Variants in PLD1 observed in about 807,000 individuals in gnomAD.
PLD1 encodes phospholipase D1, also known as choline phosphatase 1.
Under a neutral mutation model 137.1 loss-of-function variants are expected in PLD1, and 112 were observed. That is an observed-to-expected ratio of 0.82 (90% CI 0.70 to 0.96). PLD1 has a LOEUF of 0.96. Ranked by LOEUF, PLD1 falls within the 40% of genes least tolerant of loss-of-function variation. The pLI is 0.00. For synonymous variants in PLD1, 431 were observed against 454.7 expected (o/e 0.95, Z 0.66); for missense variants, 1,321 against 1,342.0 (o/e 0.98, Z 0.24).
At chr3:171,790,331 A>C (rs922928427) in intron 1 of PLD1, among the ~76,000 whole-genome samples, 1 of 152,170 alleles carries the variant, frequency 6.6e-6, no homozygotes, top group African/African-American at 2.4e-5. Context: ...TAAATCCCTT[A>C]ATGCATGTAA....
intron 6 of PLD1, among the ~76,000 whole-genome samples, chr3:171,731,895 C>T (rs1718977007): frequency 6.6e-6 from 1 of 152,150 alleles, no homozygotes; most frequent in South Asian, 2.1e-4. Flanking sequence ...CATGGCCTAA[C>T]TTTGAAAATA....
At chr3:171,727,337 A>C (rs1049213061) in intron 6 of PLD1, among the ~76,000 whole-genome samples, 1 of 152,218 alleles carries the variant, frequency 6.6e-6, no homozygotes, top group Non-Finnish European at 1.5e-5. Context: ...CCAAGCTGGA[A>C]GAGCAAAATG....
intron 1 of PLD1, among the ~76,000 whole-genome samples, chr3:171,758,785 CAT>C (rs2108303206): frequency 6.6e-6 from 1 of 152,316 alleles, no homozygotes; most frequent in South Asian, 2.1e-4. Context: ...TGGATAGTGA[CAT>C]ATGGATATTT....
chr3:171,672,189 C>T (rs1475103018), intron 19 of PLD1, among the ~76,000 whole-genome samples: 2 of 152,178 alleles, frequency 1.3e-5, no homozygotes, highest in Admixed American at 6.5e-5. Flanking sequence ...AGAGACCATA[C>T]CTTGCACTGT....
chr3:171,604,114 G>A (rs539750877), intron 26 of PLD1, among the ~76,000 whole-genome samples: 2 of 152,086 alleles, frequency 1.3e-5, no homozygotes, highest in African/African-American at 2.4e-5. Context: ...CAAGGCAGGC[G>A]GATCACTTGA....
chr3:171,606,100 T>C (rs531063759), intron 25 of PLD1, among the ~76,000 whole-genome samples: 6 of 152,298 alleles, frequency 3.9e-5, no homozygotes, highest in Admixed American at 2.0e-4. Context: ...TGAGGTATGA[T>C]GGTGGCTTGG....
chr3:171,798,421 TAAGG>T (rs913962394), intron 1 of PLD1, among the ~76,000 whole-genome samples: 1 of 152,184 alleles, frequency 6.6e-6, no homozygotes, highest in Non-Finnish European at 1.5e-5. Context: ...AAATCAGGCG[TAAGG>T]AAACTGTTGC....
intron 3 of PLD1, among the ~76,000 whole-genome samples, chr3:171,735,848 C>T (rs1250842648): frequency 1.3e-5 from 2 of 152,166 alleles, no homozygotes; most frequent in African/African-American, 2.4e-5. Context: ...ATAAGACAAA[C>T]TTTCAATCAC....
chr3:171,690,666 A>G (rs140010278), intron 13 of PLD1, among the ~76,000 whole-genome samples: 1 of 152,246 alleles, frequency 6.6e-6, no homozygotes, highest in African/African-American at 2.4e-5. Context: ...TCCTTCTGTT[A>G]TTAATTTCTA....
At chr3:171,645,213 G>T (rs865934235) in intron 21 of PLD1, among the ~76,000 whole-genome samples, 190 bp from the exon 22 acceptor site, 1 of 152,168 alleles carries the variant, frequency 6.6e-6, no homozygotes, top group African/African-American at 2.4e-5. Flanking sequence ...CCAGGCTATC[G>T]CTTCATAGCC....
intron 21 of PLD1, among the ~76,000 whole-genome samples, chr3:171,646,675 CA>C (rs77696811): frequency 0.025 from 2,193 of 89,476 alleles, 14 homozygotes; most frequent in African/African-American, 0.039. Flanking sequence ...AAAGAACAGA[CA>C]AAAAAAAAAA....
chr3:171,658,389 G>A (rs545550437), intron 21 of PLD1, among the ~76,000 whole-genome samples: 2 of 152,212 alleles, frequency 1.3e-5, no homozygotes, highest in African/African-American at 4.8e-5. Flanking sequence ...TAGGCAAAAA[G>A]TAGAAACAAC....
intron 23 of PLD1, among the ~76,000 whole-genome samples, chr3:171,633,649 G>A (rs1166488986): frequency 6.6e-6 from 1 of 152,048 alleles, no homozygotes; most frequent in Non-Finnish European, 1.5e-5. Context: ...AAAAAGAAGA[G>A]AAATTCAATA....
rs1174564536 is a variant in PLD1 at position 171,652,766 on chromosome 3, A to ATTTTTTT, written c.2429+6440_2429+6446dup. ...CAGGCATGTACCAGCACACTCAGCT[A>ATTTTTTT]TTTTTTTTTTTTTTTTTTTTTTTTT... On this transcript the variant is annotated intron_variant, in intron 21 of 26. Coordinates refer to ENST00000351298, the MANE Select transcript of PLD1 (RefSeq NM_002662.5). 3.3e-4 allele frequency among the ~76,000 whole-genome samples: 25 copies of ATTTTTTT among 75,632 alleles called. 2 individuals are homozygous for ATTTTTTT. The highest frequency in any genetic ancestry group is 7.3e-4 in the Admixed American group (4 of 5,488). 49.6% of individuals were successfully genotyped at this position (75,632 alleles called of 152,430 possible).
intron 26 of PLD1, among the ~76,000 whole-genome samples, chr3:171,604,915 AC>A (rs1732087925): frequency 6.6e-6 from 1 of 152,250 alleles, no homozygotes; most frequent in African/African-American, 2.4e-5. Context: ...GTCACTATAC[AC>A]AAGGTTATAA....
At chr3:171,711,842 A>T (rs951553888) in intron 9 of PLD1, among the ~76,000 whole-genome samples, 1 of 144,464 alleles carries the variant, frequency 6.9e-6, no homozygotes, top group African/African-American at 2.5e-5. Flanking sequence ...AAAAAAAAAA[A>T]TTCAGAGTGG....
At chr3:171,624,853 C>A (rs1174743479) in intron 23 of PLD1, among the ~76,000 whole-genome samples, 1 of 151,962 alleles carries the variant, frequency 6.6e-6, no homozygotes, top group Non-Finnish European at 1.5e-5. Context: ...ACTATCTGAG[C>A]ATTTTTCCAA....
intron 1 of PLD1, among the ~76,000 whole-genome samples, chr3:171,784,271 C>T (rs1474587926): frequency 6.6e-6 from 1 of 151,676 alleles, no homozygotes; most frequent in Non-Finnish European, 1.5e-5. Flanking sequence ...AAAACAAATA[C>T]CACATTTGGA....
chr3:171,734,603 A>G lies in PLD1; in HGVS notation c.540+262T>C, dbSNP rs375397591. On this transcript the variant is annotated intron_variant, in intron 5 of 26. Transcript: ENST00000351298. ...TCAATCTTTGACTCACAATAAGCCC[A>G]AGGAGATTCTAGCAGGGAGAACAGC... 5.9e-5 allele frequency among the ~76,000 whole-genome samples: 9 copies of G among 152,200 alleles called. No individual in the cohort carries two copies. The East Asian group carries it at 1.7e-3, about 29-fold the overall frequency.
Sources: allele counts gnomAD v4.1 joint callset (sites outside exome capture counted in the v4.1 genomes callset), GRCh38; gene constraint gnomAD v4.1.1; transcripts MANE v1.5; gene names NCBI Gene and HGNC (gene_info 2026-07-23, HGNC 2026-07-21).